The following HHLA2 variants were observed in gnomAD, a reference collection of about 807,000 sequenced individuals.
The protein encoded by HHLA2 is HERV-H LTR-associating protein 2.
Under a neutral mutation model 45.9 loss-of-function variants are expected in HHLA2, and 48 were observed. The observed-to-expected ratio is 1.05, with a 90% confidence interval of 0.83 to 1.33. The LOEUF (loss-of-function observed/expected upper bound fraction) is 1.33, where lower values mean the gene tolerates loss of function less well. Among genes scored for constraint, HHLA2 ranks in the 40% most tolerant of loss-of-function variants. The probability of loss-of-function intolerance (pLI) is 0.00; values close to 1 mark genes in which losing one functional copy is unlikely to be tolerated. For missense variants in HHLA2, 462 were observed against 494.3 expected (o/e 0.93, Z 0.62); for synonymous variants, 161 against 173.9 (o/e 0.93, Z 0.59).
Position 108,303,583 on chromosome 3 carries a change from G to A in HHLA2, c.-192+6984G>A, listed in dbSNP as rs138203865. Among the ~76,000 whole-genome samples the A allele has an allele frequency of 7.5e-3, 1,139 of 151,948 alleles. 14 individuals carry two copies. Among genetic ancestry groups the A allele is most frequent in the African/African-American group, 0.026 (1,078 of 41,428 alleles). On this transcript the variant is annotated intron_variant, in intron 1 of 10. Transcript: ENST00000619531. ...CTAATATAAAACATATAATTATTTTGTATATTTTTTTCTAGAGGGTATAGA... is the reference window on the plus strand; with the variant it reads ...CTAATATAAAACATATAATTATTTTATATATTTTTTTCTAGAGGGTATAGA...
intron 3 of HHLA2, among the ~76,000 whole-genome samples, chr3:108,342,050 A>G (rs746284467): frequency 3.2e-4 from 49 of 152,136 alleles, no homozygotes; most frequent in Admixed American, 6.6e-4. Flanking sequence ...TTTCTGAACA[A>G]TTTGTCAGTT....
At chr3:108,317,748 T>C (rs1052941180) in intron 2 of HHLA2, among the ~76,000 whole-genome samples, 1 of 151,194 alleles carries the variant, frequency 6.6e-6, no homozygotes, top group Admixed American at 6.6e-5. Flanking sequence ...CTAATTTTTG[T>C]ATTTTTAGTA....
At chr3:108,360,213 C>A (rs1248058354) in intron 7 of HHLA2, among the ~76,000 whole-genome samples, 1 of 152,122 alleles carries the variant, frequency 6.6e-6, no homozygotes, top group Admixed American at 6.6e-5. Context: ...TCAACCAGAA[C>A]ACATTTCTGT....
At chr3:108,325,674 G>A (rs142436830) in intron 2 of HHLA2, 156 of 232,824 alleles carry the variant, frequency 6.7e-4, no homozygotes, top group South Asian at 3.8e-3. Context: ...GCCAAAAATC[G>A]TTATAGCTTT....
chr3:108,303,022 C>CA (rs1158622439), intron 1 of HHLA2, among the ~76,000 whole-genome samples: 1 of 152,024 alleles, frequency 6.6e-6, no homozygotes, highest in East Asian at 1.9e-4. Context: ...CTTGTTTAGG[C>CA]AAAAAAGTAA....
rs192002428 is a variant in HHLA2, at chr3:108,347,705, T to A, written c.-26-4083T>A. Among the ~76,000 whole-genome samples, 207 of 152,212 alleles carry A rather than the reference T, an allele frequency of 1.4e-3. 1 individual carries two copies. The highest frequency in any genetic ancestry group is 3.1e-3 in the Admixed American group (48 of 15,284). ...TTGTAGATATCCAGGTAAGAAGGGA[T>A]AGTGGCTTTGGAGCAGGATGGTAAT... is the stretch of plus-strand genomic sequence containing the variant. On this transcript the variant is annotated intron_variant, in intron 3 of 10. Transcript: ENST00000619531.
intron 8 of HHLA2, among the ~76,000 whole-genome samples, chr3:108,374,299 C>G (rs1396150336): frequency 6.6e-6 from 1 of 151,708 alleles, no homozygotes; most frequent in Non-Finnish European, 1.5e-5. Context: ...AAACTGGATC[C>G]CTTCCTTACA....
rs1488258053 is a variant in HHLA2, at chr3:108,310,650, C to T, written c.-191-5C>T. On this transcript the variant is annotated splice_region_variant and splice_polypyrimidine_tract_variant and intron_variant, in intron 1 of 10. Coordinates refer to ENST00000619531, the Ensembl canonical transcript of HHLA2. ...TATGATTATGGATTTGATTTCTCATCTCAGCACATATAGAACTGGATGCCC... is the reference window on the plus strand; with the variant it reads ...TATGATTATGGATTTGATTTCTCATTTCAGCACATATAGAACTGGATGCCC... 4 of 152,676 alleles carry T rather than the reference C, an allele frequency of 2.6e-5. No individual in the cohort carries two copies. The highest frequency in any genetic ancestry group is 2.1e-4 in the South Asian group (1 of 4,830). 9.5% of individuals were successfully genotyped at this position (152,676 alleles called of 1,614,324 possible).
chr3:108,316,596 GAAGGGCCCAGAGGATGCTGGA>G (rs1418883115), intron 2 of HHLA2, among the ~76,000 whole-genome samples: 1 of 152,132 alleles, frequency 6.6e-6, no homozygotes, highest in Non-Finnish European at 1.5e-5. Flanking sequence ...CCTTGGAAGA[GAAGGGCCCAGAGGATGCTGGA>G]AAGGGAGACA....
In HHLA2 at chr3:108,357,968, C is replaced by T. The variant is rs1416947335; in HGVS notation, c.810C>T (p.Val270=). The T allele has an allele frequency of 1.9e-6, 3 of 1,613,640 alleles. No homozygotes were observed. In the African/African-American group the frequency reaches 4.0e-5, roughly 22 times the overall value. ...GAATGAAAAGTGGGACTTTCTCTGT[C>T]CTGGCTTACTATCTGAGCTCCTCAC... Residue 270 remains valine, a synonymous_variant, in exon 7 of 11, where the codon GTC becomes GTT. Coordinates refer to ENST00000619531, the Ensembl canonical transcript of HHLA2.
At chr3:108,367,440 A>G (rs1352178940) in intron 8 of HHLA2, among the ~76,000 whole-genome samples, 1 of 152,078 alleles carries the variant, frequency 6.6e-6, no homozygotes, top group African/African-American at 2.4e-5. Flanking sequence ...AACCCAATGT[A>G]AGGAAGCTAA....
chr3:108,339,564 T>C (rs959422646), intron 3 of HHLA2, among the ~76,000 whole-genome samples: 6 of 146,280 alleles, frequency 4.1e-5, no homozygotes, highest in Non-Finnish European at 8.9e-5. Flanking sequence ...ATATAGCACA[T>C]ATATATATAT....
intron 1 of HHLA2, among the ~76,000 whole-genome samples, chr3:108,297,720 G>T (rs1413444630): frequency 6.6e-6 from 1 of 152,098 alleles, no homozygotes; most frequent in Admixed American, 6.5e-5. Context: ...GCCTACTTTT[G>T]GCGTGTGGCC....
chr3:108,311,576 A>G (rs2081018769), intron 2 of HHLA2, among the ~76,000 whole-genome samples: 1 of 152,142 alleles, frequency 6.6e-6, no homozygotes, highest in African/African-American at 2.4e-5. Flanking sequence ...CTCTAGAAAA[A>G]GCTTATCCCT....
Position 108,358,047 on chromosome 3 carries a change from CAG to C in HHLA2, c.892_893del (p.Ser298Ter), listed in dbSNP as rs749440441. The stretch of plus-strand genomic sequence containing the variant: ...CTCATGGAACAAAGAGCTGATAAAC[CAG>C]AGTGACTTCTCTATGAATTTGATGG... On this transcript the variant is annotated frameshift_variant, in exon 7 of 11. Transcript: ENST00000619531. LOFTEE classifies it high-confidence loss of function. 1.1e-5 allele frequency: 18 copies of C among 1,613,500 alleles called. No homozygotes were observed. The East Asian group carries it at 4.0e-4, about 36-fold the overall frequency.
intron 1 of HHLA2, among the ~76,000 whole-genome samples, chr3:108,303,948 AG>A (rs1190639063): frequency 1.3e-5 from 2 of 152,128 alleles, no homozygotes; most frequent in African/African-American, 4.8e-5. Context: ...AGTTATTGGC[AG>A]GGGTGGAAAT....
chr3:108,357,645 C>T (rs1032225746), intron 6 of HHLA2, among the ~76,000 whole-genome samples, 199 bp from the exon 6 acceptor site: 1 of 152,126 alleles, frequency 6.6e-6, no homozygotes, highest in Non-Finnish European at 1.5e-5. Context: ...TCTAAACTAA[C>T]CTTGGTGGGA....
intron 1 of HHLA2, among the ~76,000 whole-genome samples, chr3:108,306,323 T>C (rs909020855): frequency 6.6e-6 from 1 of 152,238 alleles, no homozygotes; most frequent in Non-Finnish European, 1.5e-5. Flanking sequence ...TTATCTGTTT[T>C]AATATTGTTA....
Position 108,349,955 on chromosome 3 carries a change from G to A in HHLA2, c.-26-1833G>A, listed in dbSNP as rs150871403. Among the ~76,000 whole-genome samples, 429 of 152,284 alleles carry A rather than the reference G, an allele frequency of 2.8e-3. 5 individuals are homozygous for A. The highest frequency in any genetic ancestry group is 9.8e-3 in the African/African-American group (407 of 41,560). ...TGGACATGGAATGTTTCAGGGTTAC[G>A]TTAAACAAGGTGAATTTGAGTTAAT... On this transcript the variant is annotated intron_variant, in intron 3 of 10. Transcript: ENST00000619531.
Sources: gnomAD v4.1 joint callset for allele counts (sites outside exome capture counted in the v4.1 genomes callset) on GRCh38, gnomAD v4.1.1 for gene constraint, MANE v1.5 for transcripts, NCBI Gene and HGNC (gene_info 2026-07-23, HGNC 2026-07-21) for gene names.